SIRT1: variants seen among roughly 807,000 people sequenced by gnomAD.
SIRT1 encodes sirtuin 1.
A neutral mutation model predicts 67.9 loss-of-function variants in SIRT1; 24 were observed. The observed-to-expected ratio is 0.35, with a 90% CI of 0.26 to 0.50. SIRT1 has a LOEUF of 0.50. SIRT1 is among the 20% of genes least tolerant of loss of function. SIRT1 has a pLI of 0.98. For missense variants in SIRT1, 873 were observed against 937.2 expected (o/e 0.93, Z 0.89); for synonymous variants, 378 against 350.7 (o/e 1.08, Z -0.87).
rs191425553 is a variant in SIRT1, at chr10:67,911,554, A to T, written c.1358-920A>T. Among the ~76,000 whole-genome samples, 779 of 152,154 alleles carry T rather than the reference A, an allele frequency of 5.1e-3. 5 individuals carry two copies. Among genetic ancestry groups the T allele is most frequent in the Non-Finnish European group, 9.0e-3 (615 of 67,986 alleles). On this transcript the variant is annotated intron_variant, in intron 7 of 8. Coordinates refer to ENST00000212015, the MANE Select transcript of SIRT1 (RefSeq NM_012238.5). ...AGTATGATGTGTTGCAAAGATAATT[A>T]AAAAAAGAAACAGGTTTATAATAGC...
chr10:67,893,086 A>G (rs1390694168), intron 4 of SIRT1, among the ~76,000 whole-genome samples: 1 of 152,204 alleles, frequency 6.6e-6, no homozygotes, highest in Non-Finnish European at 1.5e-5. Flanking sequence ...AGAAATTACA[A>G]AATTTGTTAT....
intron 3 of SIRT1, among the ~76,000 whole-genome samples, chr10:67,890,138 C>G (rs1300939812): frequency 6.6e-6 from 1 of 152,184 alleles, no homozygotes; most frequent in African/African-American, 2.4e-5. Context: ...TCACTGCAAC[C>G]TCTGCCTCCT....
Position 67,884,939 on chromosome 10 carries a change from C to CGGCGCT in SIRT1, c.220_225dup (p.Ala74_Leu75dup). 1 of 1,249,756 alleles carries CGGCGCT rather than the reference C, an allele frequency of 8.0e-7. No homozygotes were observed. Among genetic ancestry groups the CGGCGCT allele is most frequent in the Non-Finnish European group, 1.0e-6 (1 of 997,222 alleles). The allele number at this position is 1,249,756 out of a possible 1,614,324, so 77.4% of individuals were successfully genotyped here. On this transcript the variant is annotated inframe_insertion, in exon 1 of 9. Coordinates refer to ENST00000212015, the MANE Select transcript of SIRT1 (RefSeq NM_012238.5). ...AGGGGCTGCCCGGGTGCGGCGGCGGCGGCGCTGTGGCGGGAGGCGGAGGCA... is the reference window on the plus strand; with the variant it reads ...AGGGGCTGCCCGGGTGCGGCGGCGGCGGCGCTGGCGCTGTGGCGGGAGGCGGAGGCA...
Position 67,884,735 on chromosome 10 carries a change from C to A in SIRT1, c.14C>A (p.Ala5Glu). The A allele has an allele frequency of 8.1e-7, 1 of 1,228,742 alleles. No individual in the cohort carries two copies. Among genetic ancestry groups the A allele is most frequent in the Non-Finnish European group, 1.0e-6 (1 of 986,000 alleles). The allele number at this position is 1,228,742 out of a possible 1,614,324, so 76.1% of individuals were successfully genotyped here. A position where few individuals can be genotyped will look rare whatever the true frequency, so the allele number is the denominator to read the frequency against. The change falls in exon 1 of 9, where the codon GCG (alanine) becomes GAG (glutamate). Residue 5 changes from alanine to glutamate, a missense_variant. By Grantham distance (107) the Ala-to-Glu change is moderately radical (BLOSUM62 -1). This residue lies in a region of SIRT1 where 327 missense variants were observed against 283.9 expected (regional missense o/e 1.15). Transcript: ENST00000212015. MADE[A>E]ALALQPGGSP... ...GGCAGTTGGAAGATGGCGGACGAGG[C>A]GGCCCTCGCCCTTCAGCCCGGCGGC... is the stretch of plus-strand genomic sequence containing the variant.
At chr10:67,885,533 C>A in intron 1 of SIRT1, 2 of 588,704 alleles carry the variant, frequency 3.4e-6, no homozygotes, top group Non-Finnish European at 4.4e-6. Context: ...CTCTACCCCC[C>A]AGCACACTTA....
chr10:67,906,063 G>T, intron 4 of SIRT1: 1 of 1,032,608 alleles, frequency 9.7e-7, no homozygotes, highest in Non-Finnish European at 1.3e-6. Flanking sequence ...TTACTAAATG[G>T]AATTTAATAA....
rs532990897 is a variant in SIRT1 at position 67,902,250 on chromosome 10, A to G, written c.943-4540A>G. 9.2e-5 allele frequency among the ~76,000 whole-genome samples: 14 copies of G among 152,274 alleles called. No homozygotes were observed. The South Asian group carries it at 2.9e-3, about 32-fold the overall frequency. On this transcript the variant is annotated intron_variant, in intron 4 of 8. Transcript: ENST00000212015. ...GTGATCCGCCTGCCTCAGCCTCCCA[A>G]AGTGCTGGGATTACAGGCGTGAGCC...
At chr10:67,906,266 C>A in intron 4 of SIRT1, 1 of 1,585,520 alleles carries the variant, frequency 6.3e-7, no homozygotes, top group Non-Finnish European at 8.6e-7. Flanking sequence ...TGTGCCTGTG[C>A]AGTGGAAGGA....
At chr10:67,901,600 T>C (rs33955981) in intron 4 of SIRT1, among the ~76,000 whole-genome samples, 95,203 of 152,052 alleles carry the variant, frequency 0.63, 30,652 homozygotes, top group Non-Finnish European at 0.68. Flanking sequence ...AAACCCAGTC[T>C]TCAGCCTTGT....
intron 4 of SIRT1, among the ~76,000 whole-genome samples, chr10:67,896,868 T>C (rs1432386414): frequency 2.0e-5 from 3 of 149,188 alleles, no homozygotes; most frequent in Non-Finnish European, 4.5e-5. Context: ...CCTTGCAAAA[T>C]TGCTCATTGA....
chr10:67,914,582 C>T (rs2029868766), intron 8 of SIRT1, among the ~76,000 whole-genome samples: 1 of 152,210 alleles, frequency 6.6e-6, no homozygotes, highest in African/African-American at 2.4e-5. Flanking sequence ...CTAGCGTATA[C>T]AAAGTCTACC....
intron 6 of SIRT1, among the ~76,000 whole-genome samples, chr10:67,908,502 A>G (rs1030564265): frequency 6.6e-6 from 1 of 152,222 alleles, no homozygotes; most frequent in Non-Finnish European, 1.5e-5. Context: ...GCCAAAAAAT[A>G]TAGGAAAATT....
At chr10:67,891,592 C>G in intron 4 of SIRT1, 38 bp downstream of exon 4, 2 of 1,603,576 alleles carry the variant, frequency 1.2e-6, no homozygotes, top group Non-Finnish European at 1.7e-6. Flanking sequence ...TTGGCCTTCT[C>G]TCATGAAAAA....
chr10:67,916,705 A>G lies in SIRT1; in HGVS notation c.*112A>G, dbSNP rs2029924872. ...AGAGCAAGGAAACCAGAAAGGTGTA[A>G]TATTTATAGGTTGGTAAAATAGATT... is the stretch of plus-strand genomic sequence containing the variant. On this transcript the variant is annotated 3_prime_UTR_variant, in exon 9 of 9. Coordinates refer to ENST00000212015, the MANE Select transcript of SIRT1 (RefSeq NM_012238.5). 1.3e-6 allele frequency: 1 copy of G among 781,808 alleles called. No homozygotes were observed. Among genetic ancestry groups the G allele is most frequent in the Non-Finnish European group, 2.0e-6 (1 of 510,866 alleles). 48.4% of individuals were successfully genotyped at this position (781,808 alleles called of 1,614,324 possible). A position where few individuals can be genotyped will look rare whatever the true frequency, so the allele number is the denominator to read the frequency against.
At chr10:67,907,661 A>G (rs1285065738) in intron 5 of SIRT1, among the ~76,000 whole-genome samples, 1 of 152,166 alleles carries the variant, frequency 6.6e-6, no homozygotes, top group Admixed American at 6.6e-5. Flanking sequence ...GCCATTAGGT[A>G]TCTAAAGTGT....
At chr10:67,906,034 C>G in intron 4 of SIRT1, 1 of 749,444 alleles carries the variant, frequency 1.3e-6, no homozygotes, top group Non-Finnish European at 1.8e-6. Flanking sequence ...AGAGAATAAA[C>G]TTCCTTTGCC....
chr10:67,900,465 C>T (rs1319289343), intron 4 of SIRT1, among the ~76,000 whole-genome samples: 1 of 152,038 alleles, frequency 6.6e-6, no homozygotes, highest in Non-Finnish European at 1.5e-5. Flanking sequence ...TTGTTTGAGA[C>T]GGGGTCTCCT....
intron 7 of SIRT1, among the ~76,000 whole-genome samples, chr10:67,911,897 G>A (rs34117052): frequency 0.021 from 3,202 of 150,706 alleles, 39 homozygotes; most frequent in Middle Eastern, 0.038. Flanking sequence ...CAAGTAGTTG[G>A]GATTAGAGGC....
intron 8 of SIRT1, among the ~76,000 whole-genome samples, chr10:67,914,741 C>T (rs1003287968): frequency 6.6e-6 from 1 of 151,902 alleles, no homozygotes; most frequent in Non-Finnish European, 1.5e-5. Context: ...GAGTTTTGCT[C>T]TTGTTGTCCA....
Sources: allele counts gnomAD v4.1 joint callset (sites outside exome capture counted in the v4.1 genomes callset), GRCh38; gene constraint gnomAD v4.1.1; regional missense constraint gnomAD v4.1.1; transcripts MANE v1.5; gene names NCBI Gene and HGNC (gene_info 2026-07-23, HGNC 2026-07-21).